Variants in SEZ6L observed in about 807,000 individuals in gnomAD.
The protein encoded by SEZ6L is seizure related 6 homolog like.
Under a neutral mutation model 106.2 loss-of-function variants are expected in SEZ6L, and 37 were observed. The ratio of observed to expected loss-of-function variants is 0.35; its 90% confidence interval spans 0.27 to 0.46. The LOEUF is 0.46. Among genes scored for constraint, SEZ6L ranks in the 20% least tolerant of loss-of-function variants. SEZ6L has a pLI of 1.00. For missense variants in SEZ6L, 1,172 were observed against 1,332.8 expected (o/e 0.88, Z 1.88); for synonymous variants, 541 against 570.4 (o/e 0.95, Z 0.73).
chr22:26,189,872 CG>C (rs1280623658), intron 1 of SEZ6L, among the ~76,000 whole-genome samples: 1 of 152,084 alleles, frequency 6.6e-6, no homozygotes, highest in African/African-American at 2.4e-5. Flanking sequence ...CCGAGGCGGG[CG>C]GGTCACGAGG....
chr22:26,262,300 T>C (rs1238335183), intron 1 of SEZ6L, among the ~76,000 whole-genome samples: 1 of 126,522 alleles, frequency 7.9e-6, no homozygotes, highest in African/African-American at 3.0e-5. Flanking sequence ...TAAAAAGAAA[T>C]ACATGGCCCT....
chr22:26,211,382 G>A (rs1037554509), intron 1 of SEZ6L, among the ~76,000 whole-genome samples: 3 of 152,150 alleles, frequency 2.0e-5, no homozygotes, highest in Admixed American at 1.3e-4. Flanking sequence ...CCAGAAGCAA[G>A]GCTATGGAGA....
intron 4 of SEZ6L, among the ~76,000 whole-genome samples, chr22:26,298,621 T>A (rs2081365616): frequency 6.6e-6 from 1 of 152,178 alleles, no homozygotes. Context: ...ACTCAAGATG[T>A]GCACGCAGGT....
intron 1 of SEZ6L, among the ~76,000 whole-genome samples, chr22:26,240,042 C>T (rs1378552734): frequency 4.0e-5 from 6 of 150,100 alleles, no homozygotes; most frequent in Non-Finnish European, 7.4e-5. Flanking sequence ...TGTGTATCCC[C>T]TCAACACACA....
chr22:26,282,710 C>T (rs140696714), intron 1 of SEZ6L, among the ~76,000 whole-genome samples: 23 of 152,262 alleles, frequency 1.5e-4, no homozygotes, highest in Admixed American at 5.9e-4. Context: ...AGAAGCCTAC[C>T]GTGCCAGTAT....
At chr22:26,341,442 C>A (rs1169936174) in intron 10 of SEZ6L, among the ~76,000 whole-genome samples, 1 of 152,120 alleles carries the variant, frequency 6.6e-6, no homozygotes, top group African/African-American at 2.4e-5. Flanking sequence ...CCTGGAGGGT[C>A]CCAGGCTCCA....
At chr22:26,285,962 T>A (rs1319121216) in intron 1 of SEZ6L, among the ~76,000 whole-genome samples, 1 of 152,126 alleles carries the variant, frequency 6.6e-6, no homozygotes, top group Admixed American at 6.5e-5. Context: ...AGCCTTTTGA[T>A]CTTTAAGATG....
At chr22:26,272,387 A>G (rs604995) in intron 1 of SEZ6L, among the ~76,000 whole-genome samples, 44,834 of 152,044 alleles carry the variant, frequency 0.29, 7,335 homozygotes, top group Non-Finnish European at 0.37. Context: ...GACATCCCTC[A>G]CTTTGGATGT....
At chr22:26,358,684 C>A (rs961279519) in intron 12 of SEZ6L, among the ~76,000 whole-genome samples, 4 of 152,156 alleles carry the variant, frequency 2.6e-5, no homozygotes, top group African/African-American at 9.7e-5. Flanking sequence ...GAGAGAACGG[C>A]TGGAGTTACA....
intron 11 of SEZ6L, among the ~76,000 whole-genome samples, chr22:26,350,352 T>C (rs940465759): frequency 2.6e-5 from 4 of 151,460 alleles, no homozygotes; most frequent in Non-Finnish European, 4.4e-5. Flanking sequence ...CTCAGCCTCC[T>C]GAGTAGCTGG....
chr22:26,251,752 C>T (rs1018633301), intron 1 of SEZ6L, among the ~76,000 whole-genome samples: 2 of 152,186 alleles, frequency 1.3e-5, no homozygotes, highest in African/African-American at 4.8e-5. Context: ...AGGTGTCTCA[C>T]CCCAGGCCAG....
chr22:26,230,001 C>G (rs1025150369), intron 1 of SEZ6L, among the ~76,000 whole-genome samples: 1 of 152,210 alleles, frequency 6.6e-6, no homozygotes, highest in Admixed American at 6.5e-5. Flanking sequence ...GCATCATGTT[C>G]GTCAATAATC....
intron 5 of SEZ6L, 85 bp from the exon 6 acceptor site, chr22:26,305,894 C>A: frequency 7.4e-7 from 1 of 1,355,906 alleles, no homozygotes; most frequent in Non-Finnish European, 1.0e-6. Context: ...TTCCTTCTCT[C>A]TCTCTCTCTC....
rs16981551 is a variant in SEZ6L at position 26,230,364 on chromosome 22, T to C, written c.94+60601T>C. Among the ~76,000 whole-genome samples, 834 of 152,028 alleles carry C rather than the reference T, an allele frequency of 5.5e-3. 37 individuals are homozygous for C. The East Asian group carries it at 0.097, about 18-fold the overall frequency. The stretch of plus-strand genomic sequence containing the variant: ...AGTTTCTCCTCCATGCAGCCTGCCT[T>C]GACTGCACTGTCTCTCTCGTGCTTT... On this transcript the variant is annotated intron_variant, in intron 1 of 16. Transcript: ENST00000248933.
At chr22:26,348,703 A>AAAGAAAGAAAGAAAGAAAGAAAGG (rs1207033331) in intron 11 of SEZ6L, among the ~76,000 whole-genome samples, 4 of 41,484 alleles carry the variant, frequency 9.6e-5, no homozygotes, top group African/African-American at 4.5e-4. Flanking sequence ...AGAAAGAAAG[A>AAAGAAAGAAAGAAAGAAAGAAAGG]AGGCAAGGGA....
chr22:26,336,936 G>A (rs950622927), intron 9 of SEZ6L, among the ~76,000 whole-genome samples: 6 of 152,156 alleles, frequency 3.9e-5, no homozygotes, highest in African/African-American at 1.4e-4. Flanking sequence ...TGGTGATGAT[G>A]ATGATGACGA....
chr22:26,208,204 T>C (rs73417535), intron 1 of SEZ6L, among the ~76,000 whole-genome samples: 1,916 of 152,244 alleles, frequency 0.013, 42 homozygotes, highest in South Asian at 0.066. Context: ...CGTGAGCCAC[T>C]GCGCCCGGCC....
At chr22:26,260,338 C>T (rs186795619) in intron 1 of SEZ6L, among the ~76,000 whole-genome samples, 1 of 152,094 alleles carries the variant, frequency 6.6e-6, no homozygotes, top group Non-Finnish European at 1.5e-5. Flanking sequence ...ATTCTTATGC[C>T]TTTTCATCCT....
At chr22:26,356,797 T>A (rs572458971) in intron 12 of SEZ6L, among the ~76,000 whole-genome samples, 1 of 152,190 alleles carries the variant, frequency 6.6e-6, no homozygotes, top group South Asian at 2.1e-4. Context: ...TGTTCCACAT[T>A]GATTTTGTCA....
Sources: gnomAD v4.1 joint callset for allele counts (sites outside exome capture counted in the v4.1 genomes callset) on GRCh38, gnomAD v4.1.1 for gene constraint, MANE v1.5 for transcripts, NCBI Gene and HGNC (gene_info 2026-07-23, HGNC 2026-07-21) for gene names.